The following TMTC2 variants were observed in gnomAD, a reference collection of about 807,000 sequenced individuals.
The protein encoded by TMTC2 is transmembrane O-mannosyltransferase targeting cadherins 2.
Under a neutral mutation model 82.4 loss-of-function variants are expected in TMTC2, and 43 were observed. The ratio of observed to expected loss-of-function variants is 0.52; its 90% CI spans 0.41 to 0.67. The LOEUF (loss-of-function observed/expected upper bound fraction) is 0.67. Ranked by LOEUF, TMTC2 falls within the 30% of genes least tolerant of loss-of-function variation. The pLI, the probability that TMTC2 is intolerant of heterozygous loss-of-function variation, is 0.00. For synonymous variants in TMTC2, 408 were observed against 381.9 expected, an observed-to-expected ratio of 1.07 and a Z score of -0.80; for missense variants, 919 against 1,012.4, an observed-to-expected ratio of 0.91 and a Z score of 1.25.
Position 82,691,170 on chromosome 12 carries a change from T to A in TMTC2, c.83+3501T>A, listed in dbSNP as rs1036729917. ...TAAATTCTCATATGAGTAAAATAAT[T>A]TATTAGTTTGCAAAGACAATTTGCA... On this transcript the variant is annotated intron_variant, in intron 1 of 11. Coordinates refer to ENST00000321196, the MANE Select transcript of TMTC2 (RefSeq NM_152588.3). 5.3e-5 allele frequency among the ~76,000 whole-genome samples: 8 copies of A among 152,284 alleles called. No individual in the cohort carries two copies. In the East Asian group the frequency reaches 1.5e-3, roughly 29 times the overall value.
intron 2 of TMTC2, among the ~76,000 whole-genome samples, chr12:82,875,374 G>GCATATATATA (rs1032944879): frequency 1.3e-5 from 2 of 150,738 alleles, no homozygotes; most frequent in African/African-American, 4.9e-5. Flanking sequence ...ATATATGTGT[G>GCATATATATA]TATATATATA....
At chr12:83,007,451 T>C (rs1278967617) in intron 8 of TMTC2, among the ~76,000 whole-genome samples, 1 of 152,186 alleles carries the variant, frequency 6.6e-6, no homozygotes, top group African/African-American at 2.4e-5. Flanking sequence ...TCTTTAAAAA[T>C]TTTCATGGTG....
chr12:82,854,935 T>C (rs1871181140), intron 1 of TMTC2, among the ~76,000 whole-genome samples: 1 of 152,216 alleles, frequency 6.6e-6, no homozygotes, highest in African/African-American at 2.4e-5. Context: ...GGACTTTTCA[T>C]AGATTGTATC....
chr12:83,023,894 A>G (rs1350144878), intron 8 of TMTC2, among the ~76,000 whole-genome samples: 1 of 152,186 alleles, frequency 6.6e-6, no homozygotes, highest in African/African-American at 2.4e-5. Flanking sequence ...AGAAGACCAG[A>G]TATTTATAGA....
intron 9 of TMTC2, among the ~76,000 whole-genome samples, chr12:83,047,227 G>A (rs1446108365): frequency 6.6e-6 from 1 of 152,060 alleles, no homozygotes; most frequent in Non-Finnish European, 1.5e-5. Context: ...ATGGGAGAGG[G>A]GTGATGTGAG....
intron 1 of TMTC2, among the ~76,000 whole-genome samples, chr12:82,806,748 G>A (rs561089396): frequency 3.9e-5 from 6 of 152,220 alleles, no homozygotes; most frequent in South Asian, 2.1e-4. Flanking sequence ...GAAGTGGATC[G>A]TTATAAAAGT....
intron 4 of TMTC2, among the ~76,000 whole-genome samples, chr12:82,945,336 G>A (rs533401656): frequency 2.8e-4 from 42 of 152,188 alleles, no homozygotes; most frequent in Non-Finnish European, 4.7e-4. Context: ...GTTGGAAAAT[G>A]GTGAAAGACA....
rs761337986 is a variant in TMTC2 at position 82,857,516 on chromosome 12, C to T, written c.590C>T (p.Ala197Val). 20 of 1,614,076 alleles carry T rather than the reference C, an allele frequency of 1.2e-5. No homozygotes were observed. Among genetic ancestry groups the T allele is most frequent in the Non-Finnish European group, 1.7e-5 (20 of 1,180,000 alleles). ...GGAGTGACTGTTCTCGCAGTTTCAG[C>T]AGTTTATGATGTCTTTGTCTTTCAC... is the stretch of plus-strand genomic sequence containing the variant. ...EQGVTVLAVS[A>V]VYDVFVFHRL... Residue 197 changes from alanine (A) to valine (V), a missense_variant, in exon 2 of 12, where the codon GCA (alanine) becomes GTA (valine). By Grantham distance (64) the Ala-to-Val change is moderately conservative. Transcript: ENST00000321196.
chr12:83,123,345 T>G (rs985257824), intron 11 of TMTC2, among the ~76,000 whole-genome samples: 1 of 152,230 alleles, frequency 6.6e-6, no homozygotes, highest in African/African-American at 2.4e-5. Context: ...GAAACTGAGA[T>G]TCAAAATGAA....
chr12:82,821,187 T>A (rs964686034), intron 1 of TMTC2, among the ~76,000 whole-genome samples: 1 of 152,188 alleles, frequency 6.6e-6, no homozygotes, highest in African/African-American at 2.4e-5. Context: ...TCAAGTACAT[T>A]AAATATCACC....
chr12:82,973,638 C>T (rs558268065), intron 7 of TMTC2, among the ~76,000 whole-genome samples: 19 of 152,228 alleles, frequency 1.2e-4, no homozygotes, highest in African/African-American at 4.3e-4. Context: ...TGGTTACAGA[C>T]GCTAATTTGC....
intron 1 of TMTC2, among the ~76,000 whole-genome samples, chr12:82,719,294 A>G (rs1392928638): frequency 2.6e-5 from 4 of 151,544 alleles, no homozygotes; most frequent in Admixed American, 2.0e-4. Context: ...GGGTTTCACC[A>G]TCTTGGCCAG....
At chr12:82,819,985 A>G (rs945885213) in intron 1 of TMTC2, among the ~76,000 whole-genome samples, 4 of 152,176 alleles carry the variant, frequency 2.6e-5, no homozygotes, top group African/African-American at 4.8e-5. Context: ...CAAAACTTCA[A>G]AAGTGGGGAA....
intron 11 of TMTC2, among the ~76,000 whole-genome samples, chr12:83,063,848 T>A (rs183928764): frequency 4.0e-5 from 6 of 151,870 alleles, no homozygotes; most frequent in Admixed American, 3.3e-4. Flanking sequence ...GATAAGTGCT[T>A]TGGAGAAAGC....
intron 2 of TMTC2, among the ~76,000 whole-genome samples, chr12:82,857,962 G>A (rs1292946889): frequency 6.6e-6 from 1 of 152,194 alleles, no homozygotes; most frequent in Non-Finnish European, 1.5e-5. Flanking sequence ...CTAGATGCTA[G>A]ACTTTACAGG....
chr12:82,772,214 G>A (rs1877349147), intron 1 of TMTC2, among the ~76,000 whole-genome samples: 1 of 152,142 alleles, frequency 6.6e-6, no homozygotes, highest in Non-Finnish European at 1.5e-5. Context: ...ATCTTGGCTA[G>A]ACCAAAAGTT....
chr12:82,763,056 A>G (rs1250153157), intron 1 of TMTC2, among the ~76,000 whole-genome samples: 1 of 152,166 alleles, frequency 6.6e-6, no homozygotes, highest in East Asian at 1.9e-4. Context: ...GCCAAGTAGT[A>G]TAATAGTTAG....
chr12:82,956,679 C>A (rs1401794339), intron 4 of TMTC2, among the ~76,000 whole-genome samples: 1 of 152,060 alleles, frequency 6.6e-6, no homozygotes, highest in Non-Finnish European at 1.5e-5. Flanking sequence ...GTATTGAACT[C>A]CTGACCTCAG....
chr12:82,930,361 A>T, intron 3 of TMTC2, 70 bp from the exon 4 acceptor site: 3 of 792,042 alleles, frequency 3.8e-6, no homozygotes, highest in Admixed American at 2.5e-5. Context: ...GTACTTCCTG[A>T]TGGCCTGATA....
Sources: allele counts gnomAD v4.1 joint callset (sites outside exome capture counted in the v4.1 genomes callset), GRCh38; gene constraint gnomAD v4.1.1; transcripts MANE v1.5; gene names NCBI Gene and HGNC (gene_info 2026-07-23, HGNC 2026-07-21).